EPS15L1: variants seen among roughly 807,000 people sequenced by gnomAD.
EPS15L1 encodes epidermal growth factor receptor substrate 15-like 1.
Under a neutral mutation model 117.1 loss-of-function variants are expected in EPS15L1, and 43 were observed. The ratio of observed to expected loss-of-function variants is 0.37; its 90% CI spans 0.29 to 0.47. The LOEUF (loss-of-function observed/expected upper bound fraction) is 0.47, where lower values mean the gene tolerates loss of function less well. EPS15L1 is among the 20% of genes least tolerant of loss of function. The pLI, the probability that EPS15L1 is intolerant of heterozygous loss-of-function variation, is 0.99. For synonymous variants in EPS15L1, 459 were observed against 470.5 expected, an observed-to-expected ratio of 0.98 and a Z score of 0.32; for missense variants, 981 against 1,164.0, an observed-to-expected ratio of 0.84 and a Z score of 2.29.
intron 21 of EPS15L1, among the ~76,000 whole-genome samples, chr19:16,379,995 C>G (rs2092342967): frequency 6.6e-6 from 1 of 151,584 alleles, no homozygotes; most frequent in Non-Finnish European, 1.5e-5. Context: ...CCAGTCACAC[C>G]AATGCAGCTG....
chr19:16,431,158 G>A lies in EPS15L1; in HGVS notation c.499-2397C>T, dbSNP rs564114327. Among the ~76,000 whole-genome samples the A allele has an allele frequency of 4.7e-3, 711 of 151,366 alleles. 6 individuals carry two copies. The highest frequency in any genetic ancestry group is 6.3e-3 in the Non-Finnish European group (426 of 67,842). ...GGAGGCTGAGACAGGAGAATTGCTC[G>A]AACCAGGGAGGCGGAGGTTGCAGTG... On this transcript the variant is annotated intron_variant, in intron 7 of 23. Coordinates refer to ENST00000455140, the MANE Select transcript of EPS15L1 (RefSeq NM_001258374.3).
intron 21 of EPS15L1, among the ~76,000 whole-genome samples, chr19:16,384,778 C>A (rs1226564708): frequency 2.6e-5 from 4 of 152,232 alleles, no homozygotes; most frequent in Non-Finnish European, 5.9e-5. Context: ...ACGCCTCGCA[C>A]CTGCAGGCCT....
At chr19:16,378,561 A>G (rs1205203285) in intron 21 of EPS15L1, among the ~76,000 whole-genome samples, 2 of 152,060 alleles carry the variant, frequency 1.3e-5, no homozygotes, top group African/African-American at 4.8e-5. Flanking sequence ...TCACTGAGCC[A>G]CAGAGACACG....
At chr19:16,450,771 C>A (rs971034782) in intron 1 of EPS15L1, among the ~76,000 whole-genome samples, 5 of 151,872 alleles carry the variant, frequency 3.3e-5, no homozygotes, top group African/African-American at 1.2e-4. Context: ...GCGTGAGCCA[C>A]CACGCCTGGC....
In EPS15L1 at chr19:16,355,725, C is replaced by A; in HGVS notation, c.2713G>T (p.Ala905Ser). Residue 905 changes from alanine to serine, a missense_variant, in exon 24 of 24, where the codon GCT becomes TCT. Around this residue, in one of 5 missense-constraint regions of EPS15L1, gnomAD observed 819 missense variants for 949.0 expected, o/e 0.86. Transcript: ENST00000455140. The part of the protein sequence containing the change: ...DLELAIALSK[A>S]DMPAA ...CTCGCCTAGGCGGCAGGCATGTCAGCCTTGCTGAGCGCGATGGCCAGTTCC... is the reference window on the plus strand; with the variant it reads ...CTCGCCTAGGCGGCAGGCATGTCAGACTTGCTGAGCGCGATGGCCAGTTCC... The A allele has an allele frequency of 6.5e-7, 1 of 1,535,896 alleles. No homozygotes were observed. Among genetic ancestry groups the A allele is most frequent in the Non-Finnish European group, 8.7e-7 (1 of 1,146,718 alleles).
intron 19 of EPS15L1, among the ~76,000 whole-genome samples, chr19:16,391,100 G>A (rs534441681): frequency 1.2e-4 from 18 of 152,122 alleles, no homozygotes; most frequent in Admixed American, 2.0e-4. Context: ...TTGAACCATC[G>A]TAAGTCAGGG....
chr19:16,448,682 T>C (rs2093110510), intron 1 of EPS15L1, among the ~76,000 whole-genome samples: 1 of 151,202 alleles, frequency 6.6e-6, no homozygotes, highest in Non-Finnish European at 1.5e-5. Flanking sequence ...ACAAAAAAAT[T>C]AGCTGGGTGT....
At chr19:16,459,602 C>A (rs904940104) in intron 1 of EPS15L1, among the ~76,000 whole-genome samples, 1 of 152,150 alleles carries the variant, frequency 6.6e-6, no homozygotes, top group African/African-American at 2.4e-5. Context: ...GCCTCAGTGT[C>A]CCCATCTGTA....
intron 4 of EPS15L1, 61 bp downstream of exon 4, chr19:16,440,801 G>A: frequency 6.6e-7 from 1 of 1,512,204 alleles, no homozygotes; most frequent in African/African-American, 1.4e-5. Flanking sequence ...AGCCGTGGAG[G>A]TCACCCAGCC....
intron 22 of EPS15L1, among the ~76,000 whole-genome samples, chr19:16,372,411 CAA>C (rs973279304): frequency 2.0e-5 from 3 of 152,228 alleles, no homozygotes; most frequent in Non-Finnish European, 4.4e-5. Flanking sequence ...CTCTAGAACA[CAA>C]GAGATGGCAC....
intron 21 of EPS15L1, among the ~76,000 whole-genome samples, chr19:16,378,318 C>A (rs1426443584): frequency 4.6e-5 from 7 of 152,136 alleles, no homozygotes; most frequent in Admixed American, 3.3e-4. Context: ...GAAGTCACCC[C>A]TCCCCTCACA....
At chr19:16,455,196 T>G (rs1599678671) in intron 1 of EPS15L1, among the ~76,000 whole-genome samples, 1 of 152,096 alleles carries the variant, frequency 6.6e-6, no homozygotes. Context: ...TAGCTCACTG[T>G]AGCCTCAAAT....
intron 18 of EPS15L1, among the ~76,000 whole-genome samples, chr19:16,393,492 AC>A (rs1225309685): frequency 6.6e-6 from 1 of 151,678 alleles, no homozygotes; most frequent in Admixed American, 6.6e-5. Context: ...TACTAAAAAT[AC>A]AAAAAATTAG....
At chr19:16,360,734 C>A (rs184278306) in intron 23 of EPS15L1, among the ~76,000 whole-genome samples, 1 of 152,076 alleles carries the variant, frequency 6.6e-6, no homozygotes, top group Non-Finnish European at 1.5e-5. Flanking sequence ...GGCAACACAG[C>A]GAGACCCTGT....
intron 13 of EPS15L1, among the ~76,000 whole-genome samples, chr19:16,411,930 C>T (rs2092709459): frequency 1.3e-5 from 2 of 152,174 alleles, no homozygotes; most frequent in Admixed American, 1.3e-4. Context: ...AACTCCTGGG[C>T]TCAAGCGATC....
At chr19:16,406,222 A>G (rs913382901) in intron 13 of EPS15L1, among the ~76,000 whole-genome samples, 3 of 152,116 alleles carry the variant, frequency 2.0e-5, no homozygotes, top group African/African-American at 4.8e-5. Flanking sequence ...TAGGCAAATC[A>G]TGCCTCAGGA....
At chr19:16,382,347 A>G (rs1421772860) in intron 21 of EPS15L1, among the ~76,000 whole-genome samples, 1 of 152,226 alleles carries the variant, frequency 6.6e-6, no homozygotes, top group Non-Finnish European at 1.5e-5. Context: ...AGCGGCTTCA[A>G]GGAAAATCTC....
intron 1 of EPS15L1, among the ~76,000 whole-genome samples, chr19:16,458,115 G>A (rs2093214435): frequency 6.6e-6 from 1 of 152,124 alleles, no homozygotes; most frequent in African/African-American, 2.4e-5. Flanking sequence ...CTCCTGTCGG[G>A]GTGTTCCTGA....
intron 1 of EPS15L1, among the ~76,000 whole-genome samples, chr19:16,460,045 C>T (rs560442062): frequency 3.3e-5 from 5 of 152,280 alleles, no homozygotes; most frequent in East Asian, 3.9e-4. Flanking sequence ...GAGATTAAGG[C>T]AGGAGGATCC....
Sources: allele counts gnomAD v4.1 joint callset (sites outside exome capture counted in the v4.1 genomes callset), GRCh38; gene constraint gnomAD v4.1.1; regional missense constraint gnomAD v4.1.1; transcripts MANE v1.5; gene names NCBI Gene and HGNC (gene_info 2026-07-23, HGNC 2026-07-21).